GRID2: variants seen among roughly 807,000 people sequenced by gnomAD.
GRID2 encodes glutamate ionotropic receptor delta type subunit 2.
A neutral mutation model predicts 114.8 loss-of-function variants in GRID2; 33 were observed. The observed-to-expected ratio is 0.29, with a 90% CI of 0.22 to 0.38. The LOEUF (loss-of-function observed/expected upper bound fraction) is 0.38, where lower values mean the gene tolerates loss of function less well. GRID2 is among the 10% of genes least tolerant of loss of function. GRID2 has a pLI of 1.00. For missense variants in GRID2, 1,184 were observed against 1,257.7 expected, an observed-to-expected ratio of 0.94 and a Z score of 0.89; for synonymous variants, 505 against 449.9, an observed-to-expected ratio of 1.12 and a Z score of -1.55.
At chr4:92,500,159 T>G (rs1723603896) in intron 1 of GRID2, among the ~76,000 whole-genome samples, 1 of 152,092 alleles carries the variant, frequency 6.6e-6, no homozygotes, top group South Asian at 2.1e-4. Flanking sequence ...TTTGCTTACC[T>G]GTGTTTCTTT....
chr4:92,933,448 G>C (rs1195576343), intron 2 of GRID2, among the ~76,000 whole-genome samples: 1 of 151,398 alleles, frequency 6.6e-6, no homozygotes, highest in Non-Finnish European at 1.5e-5. Context: ...AAATGTATTT[G>C]AATACTGAAG....
At chr4:92,694,300 C>G (rs895265751) in intron 2 of GRID2, among the ~76,000 whole-genome samples, 1 of 152,090 alleles carries the variant, frequency 6.6e-6, no homozygotes, top group African/African-American at 2.4e-5. Flanking sequence ...TGCAGCTCTT[C>G]CAGGGAGCTA....
chr4:92,992,012 G>A (rs929191548), intron 2 of GRID2, among the ~76,000 whole-genome samples: 11 of 152,130 alleles, frequency 7.2e-5, no homozygotes, highest in African/African-American at 2.2e-4. Flanking sequence ...GCACTGTCTC[G>A]TAGCCCTGCA....
chr4:92,773,192 A>G (rs1738621536), intron 2 of GRID2, among the ~76,000 whole-genome samples: 1 of 152,206 alleles, frequency 6.6e-6, no homozygotes, highest in Non-Finnish European at 1.5e-5. Flanking sequence ...ACATCAATAC[A>G]ATGGATATAA....
At chr4:92,909,268 T>TA (rs201946293) in intron 2 of GRID2, among the ~76,000 whole-genome samples, 2,650 of 152,026 alleles carry the variant, frequency 0.017, 29 homozygotes, top group East Asian at 0.053. Flanking sequence ...TTTTTTCTTT[T>TA]TTTTTTTCAA....
chr4:92,968,927 C>T (rs1753327069), intron 2 of GRID2, among the ~76,000 whole-genome samples: 1 of 151,546 alleles, frequency 6.6e-6, no homozygotes. Flanking sequence ...CCAAAGAAAA[C>T]CATTGTTGTT....
chr4:93,396,425 T>C (rs1765339157), intron 9 of GRID2, among the ~76,000 whole-genome samples: 2 of 151,922 alleles, frequency 1.3e-5, no homozygotes, highest in Admixed American at 1.3e-4. Flanking sequence ...TCACATTGTG[T>C]AGGGCTTATA....
At chr4:92,927,524 C>G (rs1749902052) in intron 2 of GRID2, among the ~76,000 whole-genome samples, 2 of 151,754 alleles carry the variant, frequency 1.3e-5, no homozygotes, top group Non-Finnish European at 2.9e-5. Flanking sequence ...AAAGAGAAAC[C>G]TGATCCTAGG....
chr4:93,443,310 C>A (rs913902907), intron 10 of GRID2, among the ~76,000 whole-genome samples: 3 of 151,814 alleles, frequency 2.0e-5, no homozygotes. Flanking sequence ...ATACACTTAC[C>A]ACCATCTCTG....
chr4:92,366,875 A>G (rs562192459), intron 1 of GRID2, among the ~76,000 whole-genome samples: 1 of 152,192 alleles, frequency 6.6e-6, no homozygotes, highest in East Asian at 1.9e-4. Context: ...AAACAATAAA[A>G]TAAGACAGCA....
chr4:93,042,279 C>CTCTT (rs1553971486), intron 2 of GRID2, among the ~76,000 whole-genome samples: 249 of 38,898 alleles, frequency 6.4e-3, no homozygotes, highest in African/African-American at 0.017. Flanking sequence ...CTCTCTTTCT[C>CTCTT]TCTCTCTCTC....
chr4:93,541,243 G>C (rs1009281366), intron 13 of GRID2, among the ~76,000 whole-genome samples: 1 of 152,136 alleles, frequency 6.6e-6, no homozygotes, highest in African/African-American at 2.4e-5. Flanking sequence ...CACAGTGTCA[G>C]TGTGCTTTTT....
At chr4:93,467,542 A>G (rs1047970745) in intron 11 of GRID2, among the ~76,000 whole-genome samples, 1 of 152,226 alleles carries the variant, frequency 6.6e-6, no homozygotes, top group Non-Finnish European at 1.5e-5. Flanking sequence ...TGATATCATT[A>G]TAGTCTCTTC....
intron 4 of GRID2, among the ~76,000 whole-genome samples, chr4:93,156,257 A>G (rs1737176313): frequency 6.6e-6 from 1 of 151,918 alleles, no homozygotes; most frequent in Non-Finnish European, 1.5e-5. Context: ...AGAAAAATAG[A>G]GAGGACTTAC....
At chr4:93,771,559 A>G (rs2110339596) in intron 15 of GRID2, among the ~76,000 whole-genome samples, 1 of 152,356 alleles carries the variant, frequency 6.6e-6, no homozygotes, top group East Asian at 1.9e-4. Flanking sequence ...ACAAGGAATA[A>G]CACTTTAACA....
At chr4:92,786,567 C>G (rs1197999550) in intron 2 of GRID2, among the ~76,000 whole-genome samples, 1 of 151,782 alleles carries the variant, frequency 6.6e-6, no homozygotes, top group Non-Finnish European at 1.5e-5. Flanking sequence ...ACTGAGGACC[C>G]TTCCCCCTTG....
chr4:93,379,382 A>G (rs1315013860), intron 8 of GRID2, among the ~76,000 whole-genome samples: 1 of 152,084 alleles, frequency 6.6e-6, no homozygotes, highest in African/African-American at 2.4e-5. Context: ...TTTACTACGT[A>G]TGTCTCTGAC....
intron 1 of GRID2, among the ~76,000 whole-genome samples, chr4:92,479,170 C>T (rs1722462607): frequency 6.6e-6 from 1 of 152,088 alleles, no homozygotes. Flanking sequence ...GGAAATATTA[C>T]ACCTTGTGTA....
At chr4:92,624,953 A>C (rs967927748) in intron 2 of GRID2, among the ~76,000 whole-genome samples, 2 of 151,874 alleles carry the variant, frequency 1.3e-5, no homozygotes, top group African/African-American at 4.8e-5. Context: ...TCGCCTTAAT[A>C]GTTCAGACTA....
Sources: allele counts gnomAD v4.1 joint callset (sites outside exome capture counted in the v4.1 genomes callset), GRCh38; gene constraint gnomAD v4.1.1; transcripts MANE v1.5; gene names NCBI Gene and HGNC (gene_info 2026-07-23, HGNC 2026-07-21).